LDB2: variants seen among roughly 807,000 people sequenced by gnomAD.
LDB2 encodes the protein LIM domain binding 2.
A neutral mutation model predicts 44.3 loss-of-function variants in LDB2; 12 were observed. The observed-to-expected ratio is 0.27, with a 90% CI of 0.17 to 0.44. The LOEUF (loss-of-function observed/expected upper bound fraction) is 0.44. Ranked by LOEUF, LDB2 falls within the 20% of genes least tolerant of loss-of-function variation. The pLI is 1.00. For synonymous variants in LDB2, 164 were observed against 174.8 expected, an observed-to-expected ratio of 0.94 and a Z score of 0.49; for missense variants, 344 against 473.5, an observed-to-expected ratio of 0.73 and a Z score of 2.54.
chr4:16,882,052 G>A (rs1720293866), intron 1 of LDB2, among the ~76,000 whole-genome samples: 1 of 152,224 alleles, frequency 6.6e-6, no homozygotes, highest in Non-Finnish European at 1.5e-5. Context: ...GCATGTGTAT[G>A]CACGTGTGTG....
At chr4:16,604,749 G>C (rs879489411) in intron 2 of LDB2, among the ~76,000 whole-genome samples, 2 of 151,918 alleles carry the variant, frequency 1.3e-5, no homozygotes, top group Non-Finnish European at 2.9e-5. Context: ...CCTGATAAAT[G>C]TCTAATTTGA....
chr4:16,874,889 C>A (rs765926264), intron 1 of LDB2, among the ~76,000 whole-genome samples: 1 of 152,032 alleles, frequency 6.6e-6, no homozygotes, highest in Non-Finnish European at 1.5e-5. Context: ...TGGCACTTGA[C>A]AAAAATTGGT....
chr4:16,601,970 CTTG>C (rs751060648), intron 2 of LDB2, among the ~76,000 whole-genome samples: 5 of 151,902 alleles, frequency 3.3e-5, no homozygotes, highest in Non-Finnish European at 7.4e-5. Context: ...CAAGGTAGAT[CTTG>C]TTGTTCTTGG....
At chr4:16,739,693 TATAC>T (rs1202985986) in intron 2 of LDB2, among the ~76,000 whole-genome samples, 1,975 of 88,648 alleles carry the variant, frequency 0.022, 419 homozygotes, top group East Asian at 0.14. Context: ...TATATGTATA[TATAC>T]ATATATGTGT....
At chr4:16,602,125 A>G (rs185489057) in intron 2 of LDB2, among the ~76,000 whole-genome samples, 20 of 152,250 alleles carry the variant, frequency 1.3e-4, no homozygotes, top group African/African-American at 4.6e-4. Context: ...TGTGATTTCA[A>G]AGATTCATTT....
intron 3 of LDB2, among the ~76,000 whole-genome samples, chr4:16,594,063 CAA>C (rs1362517717): frequency 1.3e-5 from 2 of 149,082 alleles, no homozygotes; most frequent in East Asian, 4.0e-4. Flanking sequence ...TTAATTACAG[CAA>C]AGTTTTTAAT....
intron 1 of LDB2, among the ~76,000 whole-genome samples, chr4:16,831,020 T>C (rs764672870): frequency 5.3e-5 from 8 of 152,122 alleles, no homozygotes; most frequent in Non-Finnish European, 1.0e-4. Context: ...AAGAGCTGAC[T>C]GTGTCCATGG....
rs538694639 is a variant in LDB2 at position 16,574,746 on chromosome 4, T to C, written c.615+11176A>G. Among the ~76,000 whole-genome samples the C allele has an allele frequency of 4.6e-5, 7 of 152,304 alleles. No individual in the cohort carries two copies. The East Asian group carries it at 1.3e-3, about 29-fold the overall frequency. On this transcript the variant is annotated intron_variant, in intron 5 of 7. Transcript: ENST00000304523. The stretch of plus-strand genomic sequence containing the variant: ...GAAAGTACAGGAGGAGACTGGCATT[T>C]ATTATGCTTCTTCTGTTTGCCAGGC...
At chr4:16,820,503 C>T (rs914341149) in intron 1 of LDB2, among the ~76,000 whole-genome samples, 7 of 152,090 alleles carry the variant, frequency 4.6e-5, no homozygotes, top group Non-Finnish European at 5.9e-5. Context: ...CAGTGCAGGT[C>T]AAGGGAACAT....
At chr4:16,512,523 C>T (rs1184187441) in intron 5 of LDB2, among the ~76,000 whole-genome samples, 1 of 152,194 alleles carries the variant, frequency 6.6e-6, no homozygotes, top group African/African-American at 2.4e-5. Flanking sequence ...ACTCTGGTTT[C>T]TGTTCTTGTT....
chr4:16,897,747 C>T (rs1725459322), intron 1 of LDB2, among the ~76,000 whole-genome samples: 1 of 151,848 alleles, frequency 6.6e-6, no homozygotes, highest in African/African-American at 2.4e-5. Flanking sequence ...CTGATTTTAA[C>T]ACTGAAATAT....
At chr4:16,525,781 C>T (rs989411407) in intron 5 of LDB2, among the ~76,000 whole-genome samples, 10 of 151,982 alleles carry the variant, frequency 6.6e-5, no homozygotes, top group Non-Finnish European at 1.0e-4. Flanking sequence ...GAAAAGGTAA[C>T]GTAGGGAAGA....
intron 1 of LDB2, among the ~76,000 whole-genome samples, chr4:16,829,993 T>C (rs996754424): frequency 1.3e-5 from 2 of 152,046 alleles, no homozygotes; most frequent in Non-Finnish European, 2.9e-5. Context: ...TAATCTCAGC[T>C]ACTCGGGAGG....
intron 1 of LDB2, among the ~76,000 whole-genome samples, chr4:16,839,858 G>T (rs1388094948): frequency 6.6e-6 from 1 of 152,150 alleles, no homozygotes; most frequent in Non-Finnish European, 1.5e-5. Flanking sequence ...AAACTGCTCT[G>T]AGTCTGAATC....
At chr4:16,528,577 T>C (rs962777791) in intron 5 of LDB2, among the ~76,000 whole-genome samples, 9 of 152,226 alleles carry the variant, frequency 5.9e-5, no homozygotes, top group Non-Finnish European at 1.2e-4. Flanking sequence ...GTAAGCAACC[T>C]GAGGGCAGGG....
intron 5 of LDB2, among the ~76,000 whole-genome samples, chr4:16,562,205 C>T (rs1449771321): frequency 1.3e-5 from 2 of 152,136 alleles, no homozygotes; most frequent in Non-Finnish European, 2.9e-5. Flanking sequence ...CAACAAAAGA[C>T]AAAATTGACA....
At chr4:16,738,677 T>C (rs1220836179) in intron 2 of LDB2, among the ~76,000 whole-genome samples, 1 of 152,180 alleles carries the variant, frequency 6.6e-6, no homozygotes, top group African/African-American at 2.4e-5. Context: ...CAGAGGGAAG[T>C]GAAAATCTGG....
chr4:16,715,225 AG>A (rs1756832868), intron 2 of LDB2, among the ~76,000 whole-genome samples: 1 of 152,236 alleles, frequency 6.6e-6, no homozygotes, highest in African/African-American at 2.4e-5. Flanking sequence ...GAAGGCCTCT[AG>A]TACACACTCA....
At chr4:16,640,439 A>C (rs1471864354) in intron 2 of LDB2, among the ~76,000 whole-genome samples, 2 of 152,156 alleles carry the variant, frequency 1.3e-5, no homozygotes, top group Non-Finnish European at 2.9e-5. Context: ...AACAATCCTG[A>C]CTTTTTAGGA....
Sources: gnomAD v4.1 joint callset for allele counts (sites outside exome capture counted in the v4.1 genomes callset) on GRCh38, gnomAD v4.1.1 for gene constraint, MANE v1.5 for transcripts, NCBI Gene and HGNC (gene_info 2026-07-23, HGNC 2026-07-21) for gene names.